Variants in ACOXL observed in about 807,000 individuals in gnomAD.
ACOXL encodes the protein acyl-CoA oxidase like.
Under a neutral mutation model 71.9 loss-of-function variants are expected in ACOXL, and 70 were observed. That is an observed-to-expected ratio of 0.97 (90% CI 0.80 to 1.19). The LOEUF is 1.19. Among genes scored for constraint, ACOXL ranks in the 50% most tolerant of loss-of-function variants. ACOXL has a pLI of 0.00. For synonymous variants in ACOXL, 253 were observed against 281.6 expected, an observed-to-expected ratio of 0.90 and a Z score of 1.02; for missense variants, 703 against 736.3, an observed-to-expected ratio of 0.95 and a Z score of 0.52.
chr2:110,972,633 GCACACACACACACGTGCACACACA>G (rs1176503965), intron 12 of ACOXL, among the ~76,000 whole-genome samples: 1 of 128,028 alleles, frequency 7.8e-6, no homozygotes, highest in Admixed American at 8.9e-5. Context: ...ACACGCACAT[GCACACACACACACGTGCACACACA>G]CACACACACA....
At chr2:110,803,760 C>A (rs376280664) in intron 8 of ACOXL, among the ~76,000 whole-genome samples, 1 of 152,046 alleles carries the variant, frequency 6.6e-6, no homozygotes, top group East Asian at 1.9e-4. Flanking sequence ...ATTTGTAAGT[C>A]ATATATATTA....
intron 12 of ACOXL, among the ~76,000 whole-genome samples, chr2:110,974,756 T>TA (rs915890548): frequency 9.8e-5 from 15 of 152,318 alleles, no homozygotes; most frequent in African/African-American, 3.1e-4. Context: ...CATGGCAAGA[T>TA]ATGTGCCTGC....
chr2:111,086,892 G>A (rs1289946819), intron 16 of ACOXL, among the ~76,000 whole-genome samples: 2 of 152,118 alleles, frequency 1.3e-5, no homozygotes, highest in Admixed American at 6.6e-5. Flanking sequence ...ATGATTCTAT[G>A]TCTAGAAAAA....
chr2:110,791,910 T>C (rs1684694710), intron 3 of ACOXL, among the ~76,000 whole-genome samples: 1 of 152,178 alleles, frequency 6.6e-6, no homozygotes, highest in Admixed American at 6.5e-5. Context: ...TGCAGCAGGC[T>C]TCAGGTCTGG....
chr2:110,986,854 A>T (rs1423179342), intron 12 of ACOXL, among the ~76,000 whole-genome samples: 1 of 152,102 alleles, frequency 6.6e-6, no homozygotes, highest in Non-Finnish European at 1.5e-5. Context: ...AGTGTTAGAG[A>T]CTGATACAGG....
intron 12 of ACOXL, among the ~76,000 whole-genome samples, chr2:110,970,208 A>G (rs2062121264): frequency 6.6e-6 from 1 of 152,262 alleles, no homozygotes; most frequent in African/African-American, 2.4e-5. Context: ...ACATACTAGT[A>G]TCACTCATGA....
intron 10 of ACOXL, among the ~76,000 whole-genome samples, chr2:110,857,532 C>T (rs992789964): frequency 1.4e-4 from 21 of 152,224 alleles, no homozygotes; most frequent in African/African-American, 4.8e-4. Flanking sequence ...TCTTGCTACA[C>T]GTTTAAAAAA....
chr2:110,997,049 T>C (rs1251068326), intron 14 of ACOXL, among the ~76,000 whole-genome samples: 2 of 152,012 alleles, frequency 1.3e-5, no homozygotes, highest in Non-Finnish European at 2.9e-5. Context: ...CCTCCACATA[T>C]CAAACATGGA....
chr2:110,944,680 T>TC (rs1481473769), intron 12 of ACOXL, among the ~76,000 whole-genome samples: 2 of 152,192 alleles, frequency 1.3e-5, no homozygotes, highest in Non-Finnish European at 2.9e-5. Flanking sequence ...ACAATCTCAT[T>TC]CCTTTTTATG....
chr2:111,059,435 C>G (rs1192846325), intron 16 of ACOXL, among the ~76,000 whole-genome samples: 1 of 152,124 alleles, frequency 6.6e-6, no homozygotes, highest in Non-Finnish European at 1.5e-5. Flanking sequence ...TGAGACAAAC[C>G]TTCTATTAAA....
chr2:110,931,430 CT>C (rs2060475167), intron 11 of ACOXL, among the ~76,000 whole-genome samples: 2 of 152,128 alleles, frequency 1.3e-5, no homozygotes. Context: ...TTCTGAGATT[CT>C]CTGAGAGTCA....
intron 9 of ACOXL, among the ~76,000 whole-genome samples, chr2:110,840,492 A>G (rs888911783): frequency 6.6e-6 from 1 of 152,186 alleles, no homozygotes; most frequent in Non-Finnish European, 1.5e-5. Context: ...CCTTACATTA[A>G]TTCTGTGAGA....
chr2:111,023,392 A>T (rs1014909703), intron 14 of ACOXL, among the ~76,000 whole-genome samples: 2 of 152,186 alleles, frequency 1.3e-5, no homozygotes, highest in Admixed American at 6.5e-5. Flanking sequence ...GAAAGGCCTG[A>T]TGCATTCTGC....
chr2:110,945,401 G>A (rs1172004515), intron 12 of ACOXL, among the ~76,000 whole-genome samples: 1 of 134,360 alleles, frequency 7.4e-6, no homozygotes, highest in Non-Finnish European at 1.6e-5. Flanking sequence ...TGGCATCTTT[G>A]TCATGAAATC....
chr2:111,098,099 T>TGTG (rs1491392033), intron 17 of ACOXL, among the ~76,000 whole-genome samples: 4 of 152,232 alleles, frequency 2.6e-5, no homozygotes. Context: ...GCATGTACTC[T>TGTG]GTGGTGTGAT....
intron 9 of ACOXL, among the ~76,000 whole-genome samples, chr2:110,815,282 T>TA (rs1292673656): frequency 6.6e-6 from 1 of 152,146 alleles, no homozygotes; most frequent in Non-Finnish European, 1.5e-5. Context: ...ACATGGAAAT[T>TA]ATGGGAACTA....
At chr2:110,973,189 G>A (rs2062291366) in intron 12 of ACOXL, among the ~76,000 whole-genome samples, 2 of 152,322 alleles carry the variant, frequency 1.3e-5, no homozygotes, top group Non-Finnish European at 2.9e-5. Context: ...GCAGGAATAA[G>A]TAAATGACAA....
At chr2:110,932,403 C>G (rs2149336882) in intron 11 of ACOXL, among the ~76,000 whole-genome samples, 1 of 152,274 alleles carries the variant, frequency 6.6e-6, no homozygotes, top group South Asian at 2.1e-4. Context: ...CATATTATTT[C>G]TCAATATTGT....
chr2:110,946,159 C>T (rs1273047604), intron 12 of ACOXL, among the ~76,000 whole-genome samples: 1 of 152,184 alleles, frequency 6.6e-6, no homozygotes, highest in African/African-American at 2.4e-5. Context: ...GTGAATAGCA[C>T]TGCCTTTCTG....
Sources: allele counts gnomAD v4.1 joint callset (sites outside exome capture counted in the v4.1 genomes callset), GRCh38; gene constraint gnomAD v4.1.1; transcripts MANE v1.5; gene names NCBI Gene and HGNC (gene_info 2026-07-23, HGNC 2026-07-21).